The following RAB3GAP2 variants were observed in gnomAD, a reference collection of about 807,000 sequenced individuals.
RAB3GAP2 encodes the protein rab3 GTPase-activating protein non-catalytic subunit.
RAB3GAP2 carries 87 observed loss-of-function variants against 185.3 expected under a neutral mutation model. The observed-to-expected ratio is 0.47, with a 90% CI of 0.39 to 0.56. The LOEUF is 0.56. RAB3GAP2 is among the 20% of genes least tolerant of loss of function. The pLI is 0.00. For missense variants in RAB3GAP2, 1,492 were observed against 1,638.2 expected, an observed-to-expected ratio of 0.91 and a Z score of 1.54; for synonymous variants, 554 against 576.1, an observed-to-expected ratio of 0.96 and a Z score of 0.55.
chr1:220,272,193 A>C, intron 1 of RAB3GAP2, 30 bp downstream of exon 1: 1 of 1,553,178 alleles, frequency 6.4e-7, no homozygotes, highest in Non-Finnish European at 8.8e-7. Context: ...GTGACGAGGG[A>C]AGGAAGGGCG....
intron 1 of RAB3GAP2, 29 bp downstream of exon 1, chr1:220,272,194 A>G: frequency 5.2e-6 from 8 of 1,552,544 alleles, no homozygotes; most frequent in Non-Finnish European, 7.0e-6. Flanking sequence ...TGACGAGGGA[A>G]GGAAGGGCGA....
intron 2 of RAB3GAP2, among the ~76,000 whole-genome samples, chr1:220,221,899 G>T (rs938732463): frequency 7.9e-5 from 12 of 152,194 alleles, no homozygotes; most frequent in African/African-American, 2.2e-4. Flanking sequence ...TAGTACTTAC[G>T]TAGTCACTGA....
At chr1:220,246,219 C>T (rs976334878) in intron 1 of RAB3GAP2, among the ~76,000 whole-genome samples, 11 of 152,202 alleles carry the variant, frequency 7.2e-5, no homozygotes, top group Non-Finnish European at 1.5e-4. Context: ...ATCAAAACCA[C>T]AATGAGATAC....
At chr1:220,248,694 AAGT>A (rs1457088915) in intron 1 of RAB3GAP2, among the ~76,000 whole-genome samples, 2 of 151,958 alleles carry the variant, frequency 1.3e-5, no homozygotes, top group Non-Finnish European at 2.9e-5. Flanking sequence ...TTTGAAAGAA[AAGT>A]AGTGATATGG....
At chr1:220,247,145 T>C (rs1198212625) in intron 1 of RAB3GAP2, among the ~76,000 whole-genome samples, 2 of 152,172 alleles carry the variant, frequency 1.3e-5, no homozygotes, top group Admixed American at 1.3e-4. Flanking sequence ...GGGACACTCT[T>C]ACACTGCTGG....
intron 27 of RAB3GAP2, 64 bp from the exon 28 acceptor site, chr1:220,162,332 T>C (rs976113837): frequency 5.1e-5 from 56 of 1,108,752 alleles, no homozygotes; most frequent in Non-Finnish European, 8.3e-6. Flanking sequence ...TACACATAAA[T>C]TACTCTTTCT....
chr1:220,186,056 T>C (rs929376280), intron 17 of RAB3GAP2, among the ~76,000 whole-genome samples: 11 of 151,698 alleles, frequency 7.3e-5, no homozygotes, highest in Admixed American at 3.9e-4. Flanking sequence ...ATAAGAAGAG[T>C]TTGAATATGC....
At chr1:220,256,453 T>C (rs529556856) in intron 1 of RAB3GAP2, among the ~76,000 whole-genome samples, 7 of 152,080 alleles carry the variant, frequency 4.6e-5, no homozygotes, top group South Asian at 2.1e-4. Flanking sequence ...TTAAAAGACA[T>C]AGAATGTCAA....
intron 24 of RAB3GAP2, among the ~76,000 whole-genome samples, chr1:220,168,080 T>C (rs1390020344): frequency 2.6e-5 from 4 of 152,112 alleles, no homozygotes; most frequent in Non-Finnish European, 4.4e-5. Context: ...CTAAGGCCAA[T>C]ATAATATTAC....
rs375756461 is a variant in RAB3GAP2, at chr1:220,182,049, G to GA, written c.2310+207dup. ...ACTCTCTCTCTCTCTCAAAGTAAAA[G>GA]AAAAAAAAAATTACAGGGTATAAGA... On this transcript the variant is annotated intron_variant, in intron 21 of 34. Transcript: ENST00000358951. Among the ~76,000 whole-genome samples, 7,466 of 144,010 alleles carry GA rather than the reference G, an allele frequency of 0.052. 225 individuals carry two copies. The highest frequency in any genetic ancestry group is 0.086 in the African/African-American group (3,375 of 39,032). 94.5% of individuals were successfully genotyped at this position (144,010 alleles called of 152,430 possible).
Position 220,190,402 on chromosome 1 carries a change from T to C in RAB3GAP2, c.1606A>G (p.Asn536Asp). Residue 536 changes from asparagine to aspartate, a missense_variant, in exon 15 of 35, where the codon AAC becomes GAC. Physicochemically the swap from Asn to Asp is conservative, Grantham distance 23. Around this residue, in one of 5 missense-constraint regions of RAB3GAP2, gnomAD observed 681 missense variants for 689.1 expected, o/e 0.99. Coordinates refer to ENST00000358951, the MANE Select transcript of RAB3GAP2 (RefSeq NM_012414.4). ...DPVSGSVKTVNVPFHLALSDK... is the reference protein window; with the variant it reads ...DPVSGSVKTVDVPFHLALSDK... Reference sequence around the variant, plus strand: ...CTCAGTGCTAAATGGAAGGGAACGTTCACTGTTTTCACACTTCCAGACACT... The same window carrying C: ...CTCAGTGCTAAATGGAAGGGAACGTCCACTGTTTTCACACTTCCAGACACT... 6.2e-7 allele frequency: 1 copy of C among 1,614,072 alleles called. No individual in the cohort carries two copies. The highest frequency in any genetic ancestry group is 1.1e-5 in the South Asian group (1 of 91,084).
chr1:220,201,232 G>A (rs961242163), intron 9 of RAB3GAP2, among the ~76,000 whole-genome samples: 10 of 151,358 alleles, frequency 6.6e-5, no homozygotes, highest in African/African-American at 9.7e-5. Context: ...TTTTTTAAGC[G>A]ATGGGGTCTC....
At chr1:220,164,101 A>C (rs902398749) in intron 27 of RAB3GAP2, among the ~76,000 whole-genome samples, 1 of 152,194 alleles carries the variant, frequency 6.6e-6, no homozygotes, top group Non-Finnish European at 1.5e-5. Flanking sequence ...AGTAGTTGCC[A>C]AGGCAGCTAA....
chr1:220,211,043 T>TA (rs1365427776), intron 4 of RAB3GAP2, 41 bp from the exon 5 acceptor site: 1 of 1,566,030 alleles, frequency 6.4e-7, no homozygotes, highest in Non-Finnish European at 8.8e-7. Flanking sequence ...CCACTGAACT[T>TA]ACCAATTACT....
In RAB3GAP2 at chr1:220,151,772, T is replaced by C. The variant is rs886046018; in HGVS notation, c.3868-8A>G. The C allele has an allele frequency of 3.8e-6, 6 of 1,598,462 alleles. No individual in the cohort carries two copies. The highest frequency in any genetic ancestry group is 4.3e-6 in the Non-Finnish European group (5 of 1,165,886). ...ATGAACCTGTAGAATGGCCTGAAGA[T>C]AGGAACATGGAGAAATAATACAGTC... On this transcript the variant is annotated splice_region_variant and splice_polypyrimidine_tract_variant and intron_variant, in intron 33 of 34. Coordinates refer to ENST00000358951, the MANE Select transcript of RAB3GAP2 (RefSeq NM_012414.4).
At chr1:220,164,045 T>C (rs1408101518) in intron 27 of RAB3GAP2, among the ~76,000 whole-genome samples, 1 of 152,112 alleles carries the variant, frequency 6.6e-6, no homozygotes, top group Non-Finnish European at 1.5e-5. Context: ...ATCTATCTAT[T>C]AAATGGAATC....
intron 1 of RAB3GAP2, among the ~76,000 whole-genome samples, chr1:220,263,859 G>T (rs1660183657): frequency 2.6e-5 from 4 of 152,004 alleles, no homozygotes; most frequent in Admixed American, 2.0e-4. Context: ...ACAGGAGAAT[G>T]ACCTTCAAAT....
chr1:220,208,465 C>T (rs1271922659), intron 7 of RAB3GAP2, among the ~76,000 whole-genome samples: 1 of 152,212 alleles, frequency 6.6e-6, no homozygotes, highest in Admixed American at 6.5e-5. Context: ...CGTGTCCAAT[C>T]TAGTCTCTGT....
At chr1:220,209,397 C>A (rs1659036265) in intron 7 of RAB3GAP2, among the ~76,000 whole-genome samples, 1 of 152,068 alleles carries the variant, frequency 6.6e-6, no homozygotes, top group Non-Finnish European at 1.5e-5. Context: ...GAAACACTTT[C>A]CCCTCTTTTC....
Sources: gnomAD v4.1 joint callset for allele counts (sites outside exome capture counted in the v4.1 genomes callset) on GRCh38, gnomAD v4.1.1 for gene constraint, gnomAD v4.1.1 regional missense constraint, MANE v1.5 for transcripts, NCBI Gene and HGNC (gene_info 2026-07-23, HGNC 2026-07-21) for gene names.